Variants in TBC1D5 observed in about 807,000 individuals in gnomAD.
The protein encoded by TBC1D5 is TBC1 domain family member 5, also known as TBC1 domain family, member 5.
Under a neutral mutation model 100.3 loss-of-function variants are expected in TBC1D5, and 75 were observed. The observed-to-expected ratio is 0.75, with a 90% CI of 0.62 to 0.91. The LOEUF is 0.91. Among genes scored for constraint, TBC1D5 ranks in the 40% least tolerant of loss-of-function variants. TBC1D5 has a pLI of 0.00. For synonymous variants in TBC1D5, 323 were observed against 325.6 expected (o/e 0.99, Z 0.09); for missense variants, 910 against 942.4 (o/e 0.97, Z 0.45).
intron 1 of TBC1D5, among the ~76,000 whole-genome samples, chr3:17,664,573 G>A (rs1199440144): frequency 6.6e-6 from 1 of 152,126 alleles, no homozygotes; most frequent in African/African-American, 2.4e-5. Flanking sequence ...TGATGGGGAG[G>A]GAGAGAGGGA....
chr3:17,200,474 G>T (rs1575910040), intron 18 of TBC1D5, among the ~76,000 whole-genome samples: 1 of 152,224 alleles, frequency 6.6e-6, no homozygotes, highest in East Asian at 1.9e-4. Flanking sequence ...AGGGATCTAG[G>T]TTGTGTGCTC....
intron 1 of TBC1D5, among the ~76,000 whole-genome samples, chr3:17,729,353 G>GAAA (rs148290138): frequency 1.6e-5 from 2 of 126,064 alleles, no homozygotes; most frequent in Non-Finnish European, 1.7e-5. Context: ...AAATTTGAGA[G>GAAA]AAAAAAAAAA....
chr3:17,531,555 G>A (rs1037896963), intron 2 of TBC1D5, among the ~76,000 whole-genome samples: 4 of 152,188 alleles, frequency 2.6e-5, no homozygotes, highest in Non-Finnish European at 5.9e-5. Context: ...GAACGAAGCT[G>A]GAGGCATCAT....
chr3:17,485,892 T>C (rs1002723533), intron 3 of TBC1D5, among the ~76,000 whole-genome samples: 11 of 152,152 alleles, frequency 7.2e-5, no homozygotes, highest in African/African-American at 2.4e-4. Context: ...GTATTTCTAG[T>C]TCTAGATCCC....
intron 15 of TBC1D5, among the ~76,000 whole-genome samples, chr3:17,271,389 T>G (rs1450563265): frequency 6.6e-6 from 1 of 152,164 alleles, no homozygotes; most frequent in East Asian, 1.9e-4. Flanking sequence ...GAGATTACAT[T>G]CTTGATTTCG....
At chr3:17,223,904 ACAAAAC>A (rs1348839539) in intron 17 of TBC1D5, among the ~76,000 whole-genome samples, 2 of 54,368 alleles carry the variant, frequency 3.7e-5, no homozygotes, top group Non-Finnish European at 9.7e-5. Flanking sequence ...TCTCAAAAAA[ACAAAAC>A]AAAACAAAAC....
chr3:17,626,779 C>A (rs1464380869), intron 1 of TBC1D5, among the ~76,000 whole-genome samples: 1 of 152,016 alleles, frequency 6.6e-6, no homozygotes, highest in Non-Finnish European at 1.5e-5. Flanking sequence ...GAAGGATATG[C>A]CAATGTAAAA....
intron 3 of TBC1D5, among the ~76,000 whole-genome samples, chr3:17,494,874 G>A (rs561734879): frequency 2.4e-4 from 37 of 152,300 alleles, no homozygotes; most frequent in South Asian, 4.1e-4. Flanking sequence ...GCACAGCTCC[G>A]TGCTTGGGAC....
At chr3:17,609,647 C>T (rs2061544496) in intron 2 of TBC1D5, among the ~76,000 whole-genome samples, 2 of 152,152 alleles carry the variant, frequency 1.3e-5, no homozygotes, top group African/African-American at 4.8e-5. Context: ...AATTTCATGC[C>T]TTCAACTATC....
chr3:17,741,800 A>ATTTTT (rs779385615), upstream of TBC1D5, among the ~76,000 whole-genome samples: 9 of 47,954 alleles, frequency 1.9e-4, no homozygotes, highest in Admixed American at 5.5e-4. Flanking sequence ...CTCCCTGCGA[A>ATTTTT]TTTTTTTTTT....
chr3:17,606,602 TAGC>T (rs1172145302), intron 2 of TBC1D5, among the ~76,000 whole-genome samples: 2 of 152,116 alleles, frequency 1.3e-5, no homozygotes, highest in African/African-American at 4.8e-5. Context: ...AAATAAAAAT[TAGC>T]AGCATAAGAA....
chr3:17,456,819 G>A (rs1406317229), intron 3 of TBC1D5, among the ~76,000 whole-genome samples: 2 of 152,116 alleles, frequency 1.3e-5, no homozygotes. Context: ...CAATAAAAAG[G>A]AACAAAGTAC....
At position 17,679,130 on chromosome 3, in the gene TBC1D5, G is replaced by T. The variant is rs1014042148; in HGVS notation, c.-100-55217C>A. The stretch of plus-strand genomic sequence containing the variant: ...ATCCACGGATATGAACAAAGTAAAG[G>T]TATCCAATCTCTGAGGAGATTGCTA... On this transcript the variant is annotated intron_variant, in intron 1 of 21. Coordinates refer to ENST00000253692, the Ensembl canonical transcript of TBC1D5. 9.3e-5 allele frequency among the ~76,000 whole-genome samples: 14 copies of T among 150,482 alleles called. 1 individual carries two copies. The highest frequency in any genetic ancestry group is 3.2e-4 in the African/African-American group (13 of 40,366).
At chr3:17,502,840 T>C (rs1023292753) in intron 3 of TBC1D5, among the ~76,000 whole-genome samples, 2 of 149,530 alleles carry the variant, frequency 1.3e-5, no homozygotes, top group African/African-American at 2.5e-5. Context: ...TGCAAACTTC[T>C]CTCTCCTACC....
At chr3:17,243,311 T>A (rs994464280) in intron 16 of TBC1D5, among the ~76,000 whole-genome samples, 1 of 152,192 alleles carries the variant, frequency 6.6e-6, no homozygotes, top group South Asian at 2.1e-4. Flanking sequence ...TATGTGCTTA[T>A]TGAATTTCGA....
chr3:17,659,053 C>G (rs2066394712), intron 1 of TBC1D5, among the ~76,000 whole-genome samples: 1 of 152,138 alleles, frequency 6.6e-6, no homozygotes, highest in South Asian at 2.1e-4. Flanking sequence ...CCTTAGGAAG[C>G]AAATGTTCCC....
chr3:17,465,385 C>A, intron 3 of TBC1D5: 1 of 181,082 alleles, frequency 5.5e-6, no homozygotes, highest in South Asian at 1.3e-4. Context: ...ATACCATATC[C>A]ATGTGTGGCT....
intron 8 of TBC1D5, among the ~76,000 whole-genome samples, chr3:17,387,984 G>C (rs1006516434): frequency 2.0e-5 from 3 of 151,954 alleles, no homozygotes; most frequent in Middle Eastern, 3.2e-3. Context: ...ATTAACAGAA[G>C]GTCTTTCTTT....
In TBC1D5 at chr3:17,426,543, T is replaced by C. The variant is rs757815840; in HGVS notation, c.167+1907A>G. 2.0e-5 allele frequency among the ~76,000 whole-genome samples: 3 copies of C among 152,232 alleles called. 1 individual carries two copies. The highest frequency in any genetic ancestry group is 4.1e-4 in the South Asian group (2 of 4,824). On this transcript the variant is annotated intron_variant, in intron 4 of 21. Transcript: ENST00000253692. The stretch of plus-strand genomic sequence containing the variant: ...CTTTTTAATTACAACAATAAATTAA[T>C]ATTCTAACATTACAACATTGATTTT...
Sources: allele counts gnomAD v4.1 joint callset (sites outside exome capture counted in the v4.1 genomes callset), GRCh38; gene constraint gnomAD v4.1.1; transcripts MANE v1.5; gene names NCBI Gene and HGNC (gene_info 2026-07-23, HGNC 2026-07-21).